Variants in NHSL1 observed in about 807,000 individuals in gnomAD.
NHSL1 encodes the protein NHS-like protein 1.
NHSL1 carries 48 observed loss-of-function variants against 95.0 expected under a neutral mutation model. The ratio of observed to expected loss-of-function variants is 0.51; its 90% CI spans 0.40 to 0.64. The LOEUF is 0.64. NHSL1 is among the 30% of genes least tolerant of loss of function. The probability of loss-of-function intolerance (pLI) is 0.00; values close to 1 mark genes in which losing one functional copy is unlikely to be tolerated. For synonymous variants in NHSL1, 783 were observed against 833.9 expected (o/e 0.94, Z 1.05); for missense variants, 1,971 against 2,077.7 (o/e 0.95, Z 1.00).
chr6:138,642,295 T>G (rs564577056), intron 1 of NHSL1, among the ~76,000 whole-genome samples: 76 of 152,328 alleles, frequency 5.0e-4, no homozygotes, highest in African/African-American at 1.7e-3. Context: ...ATACATTCTC[T>G]AATTAATTTG....
Position 138,430,091 on chromosome 6 carries a change from C to T in NHSL1, c.3953-248G>A, listed in dbSNP as rs951870814. 1.3e-5 allele frequency among the ~76,000 whole-genome samples: 2 copies of T among 152,180 alleles called. No homozygotes were observed. The highest frequency in any genetic ancestry group is 2.9e-5 in the Non-Finnish European group (2 of 68,018). ...TCTCTTAAATTTTGTTGCAACGTTT[C>T]TTTGCGCGGCTCTTCGGAAGGGAGG... is the stretch of plus-strand genomic sequence containing the variant. On this transcript the variant is annotated intron_variant, in intron 6 of 7. Coordinates refer to ENST00000343505, the MANE Select transcript of NHSL1 (RefSeq NM_001144060.2). The surrounding 1 kb of genome is among the most constrained non-coding windows in gnomAD (Gnocchi z 4.7).
intron 1 of NHSL1, among the ~76,000 whole-genome samples, chr6:138,520,738 T>C (rs1300674670): frequency 6.6e-6 from 1 of 152,228 alleles, no homozygotes; most frequent in Non-Finnish European, 1.5e-5. Context: ...TGATTTCTAC[T>C]TTTTGTGACA....
At chr6:138,489,853 GGA>G (rs1202082058) in intron 2 of NHSL1, among the ~76,000 whole-genome samples, 29 of 36,970 alleles carry the variant, frequency 7.8e-4, no homozygotes, top group Non-Finnish European at 1.2e-3. Flanking sequence ...AGGGAGAGAG[GGA>G]GAGAGAGAGA....
chr6:138,670,583 G>A (rs970756405), intron 1 of NHSL1, among the ~76,000 whole-genome samples: 1 of 143,034 alleles, frequency 7.0e-6, no homozygotes, highest in Non-Finnish European at 1.5e-5. Flanking sequence ...GGAGAATGGC[G>A]TGAACCCGGG....
At chr6:138,607,762 T>G (rs528289734) in intron 1 of NHSL1, among the ~76,000 whole-genome samples, 2 of 152,322 alleles carry the variant, frequency 1.3e-5, no homozygotes, top group South Asian at 4.1e-4. Flanking sequence ...ATGCTTCTGT[T>G]TCAGAAGGAC....
At chr6:138,511,611 A>G (rs1055398927) in intron 1 of NHSL1, among the ~76,000 whole-genome samples, 4 of 152,148 alleles carry the variant, frequency 2.6e-5, no homozygotes, top group African/African-American at 9.7e-5. Context: ...ACCAACAATG[A>G]AGACATCGAT....
In NHSL1 at chr6:138,424,904, A is replaced by G; in HGVS notation, c.4086-88T>C. On this transcript the variant is annotated intron_variant, in intron 7 of 7. Coordinates refer to ENST00000343505, the MANE Select transcript of NHSL1 (RefSeq NM_001144060.2). This position sits in a 1 kb window ranked among gnomAD's most constrained non-coding sequence, Gnocchi z 5.9. ...ACCACTCTGCTCTTATCGCATCTTCAGGTCACCATCTACTTAAGATTCACT... is the reference window on the plus strand; with the variant it reads ...ACCACTCTGCTCTTATCGCATCTTCGGGTCACCATCTACTTAAGATTCACT... 9.4e-7 allele frequency: 1 copy of G among 1,065,488 alleles called. No homozygotes were observed. Among genetic ancestry groups the G allele is most frequent in the Non-Finnish European group, 1.3e-6 (1 of 749,680 alleles). 66.0% of individuals were successfully genotyped at this position (1,065,488 alleles called of 1,614,324 possible).
At chr6:138,454,945 C>T (rs371476790) in intron 3 of NHSL1, among the ~76,000 whole-genome samples, 9 of 152,326 alleles carry the variant, frequency 5.9e-5, no homozygotes, top group East Asian at 3.9e-4. Context: ...GATAGGGATG[C>T]TGTCCATTAA....
At chr6:138,495,422 A>G (rs181422112) in intron 2 of NHSL1, among the ~76,000 whole-genome samples, 5 of 152,368 alleles carry the variant, frequency 3.3e-5, no homozygotes, top group Non-Finnish European at 4.4e-5. Flanking sequence ...CAAACCATTT[A>G]GCATGTCTTC....
intron 2 of NHSL1, among the ~76,000 whole-genome samples, chr6:138,475,818 C>G (rs1259392492): frequency 1.3e-5 from 2 of 151,900 alleles, no homozygotes; most frequent in Non-Finnish European, 2.9e-5. Context: ...CAAAAAAAAG[C>G]CAGGCATGGT....
At chr6:138,692,802 G>T (rs1785700626), upstream of NHSL1, among the ~76,000 whole-genome samples, 2 of 150,696 alleles carry the variant, frequency 1.3e-5, no homozygotes, top group East Asian at 3.9e-4. The surrounding 1 kb of genome is among the most constrained non-coding windows in gnomAD (Gnocchi z 4.0). Context: ...CCCTCAGTCT[G>T]CCTCCCGTCG....
At chr6:138,677,813 C>A (rs545806863) in intron 1 of NHSL1, among the ~76,000 whole-genome samples, 35 of 152,254 alleles carry the variant, frequency 2.3e-4, no homozygotes, top group African/African-American at 8.4e-4. Flanking sequence ...GCTGGGCCCA[C>A]CCCCAGTGAT....
chr6:138,679,388 C>A (rs1785485080), intron 1 of NHSL1, among the ~76,000 whole-genome samples: 2 of 152,224 alleles, frequency 1.3e-5, no homozygotes, highest in African/African-American at 4.8e-5. Context: ...GAGGAGACAA[C>A]TAACTTTTTT....
intron 1 of NHSL1, among the ~76,000 whole-genome samples, chr6:138,668,179 A>T (rs1156728014): frequency 6.6e-6 from 1 of 152,154 alleles, no homozygotes; most frequent in Admixed American, 6.5e-5. Flanking sequence ...TGGGCACAGT[A>T]GCTCACGCCT....
chr6:138,437,331 TATATATATATACAC>T lies in NHSL1; in HGVS notation c.665-3665_665-3652del, dbSNP rs1199352086. Reference sequence around the variant, plus strand: ...ATATATATATATATACACACACACATATATATATATACACATATATATATACACATATATATATA... The same window carrying T: ...ATATATATATATATACACACACACATATATATATATACACATATATATATA... On this transcript the variant is annotated intron_variant, in intron 5 of 7. Transcript: ENST00000343505. Among the ~76,000 whole-genome samples, 80 of 57,984 alleles carry T rather than the reference TATATATATATACAC, an allele frequency of 1.4e-3. 2 individuals carry two copies. The highest frequency in any genetic ancestry group is 6.0e-3 in the African/African-American group (78 of 13,006). The allele number at this position is 57,984 out of a possible 152,430, so 38.0% of individuals were successfully genotyped here. A position where few individuals can be genotyped will look rare whatever the true frequency, so the allele number is the denominator to read the frequency against.
chr6:138,574,192 A>G (rs1031407057), upstream of NHSL1, among the ~76,000 whole-genome samples: 2 of 152,206 alleles, frequency 1.3e-5, no homozygotes, highest in African/African-American at 4.8e-5. Flanking sequence ...TGGCCTCCCA[A>G]GGTGCTGGGA....
chr6:138,464,707 T>C (rs1778234009), intron 3 of NHSL1, among the ~76,000 whole-genome samples: 1 of 139,752 alleles, frequency 7.2e-6, no homozygotes, highest in Non-Finnish European at 1.5e-5. Flanking sequence ...CACTTTTTTT[T>C]TTCTTTTCTT....
In NHSL1 at chr6:138,499,382, A is replaced by C. The variant is rs1369650625; in HGVS notation, c.-92T>G. ...GGCAAGCTTCGTCCTTCTGCTACAG[A>C]TTCTAACTTTTTCTTCCCCCGGTCT... On this transcript the variant is annotated 5_prime_UTR_variant, in exon 1 of 8. Coordinates refer to ENST00000343505, the MANE Select transcript of NHSL1 (RefSeq NM_001144060.2). 6.6e-7 allele frequency: 1 copy of C among 1,515,438 alleles called. No homozygotes were observed. Among genetic ancestry groups the C allele is most frequent in the Non-Finnish European group, 8.9e-7 (1 of 1,128,788 alleles). The allele number at this position is 1,515,438 out of a possible 1,614,324, so 93.9% of individuals were successfully genotyped here.
chr6:138,560,883 A>AT (rs1783385400), intron 1 of NHSL1, among the ~76,000 whole-genome samples: 1 of 152,246 alleles, frequency 6.6e-6, no homozygotes, highest in African/African-American at 2.4e-5. Context: ...AGCTTAGGGA[A>AT]TAGAGGCAAG....
Sources: gnomAD v4.1 joint callset for allele counts (sites outside exome capture counted in the v4.1 genomes callset) on GRCh38, gnomAD v4.1.1 for gene constraint, Gnocchi (gnomAD v3.1) non-coding constraint, MANE v1.5 for transcripts, NCBI Gene and HGNC (gene_info 2026-07-23, HGNC 2026-07-21) for gene names.